The following THSD7A variants were observed in gnomAD, a reference collection of about 807,000 sequenced individuals.
The protein encoded by THSD7A is thrombospondin type 1 domain containing 7A.
In THSD7A, 96 loss-of-function variants were observed where a neutral mutation model predicts 231.3. The ratio of observed to expected loss-of-function variants is 0.41; its 90% CI spans 0.35 to 0.49. The LOEUF (loss-of-function observed/expected upper bound fraction) is 0.49. Ranked by LOEUF, THSD7A falls within the 20% of genes least tolerant of loss-of-function variation. THSD7A has a pLI of 0.05. For synonymous variants in THSD7A, 940 were observed against 743.3 expected (o/e 1.26, Z -4.30); for missense variants, 2,290 against 2,070.2 (o/e 1.11, Z -2.06).
chr7:11,714,300 T>A (rs1042169005), intron 1 of THSD7A, among the ~76,000 whole-genome samples: 1 of 151,290 alleles, frequency 6.6e-6, no homozygotes, highest in Non-Finnish European at 1.5e-5. Flanking sequence ...ACATTAACCC[T>A]ATGACATGTG....
chr7:11,813,747 TA>T (rs1308570243), intron 1 of THSD7A, among the ~76,000 whole-genome samples: 1 of 111,566 alleles, frequency 9.0e-6, no homozygotes, highest in African/African-American at 3.1e-5. Flanking sequence ...ATAATAATAA[TA>T]ATAATAATAA....
At chr7:11,597,615 T>C (rs1780410380) in intron 2 of THSD7A, among the ~76,000 whole-genome samples, 1 of 152,186 alleles carries the variant, frequency 6.6e-6, no homozygotes, top group Non-Finnish European at 1.5e-5. Context: ...CTTCTGCAGA[T>C]AACTACTCTC....
intron 4 of THSD7A, among the ~76,000 whole-genome samples, chr7:11,582,564 C>T (rs960759429): frequency 1.3e-5 from 2 of 151,882 alleles, no homozygotes; most frequent in Admixed American, 6.6e-5. Context: ...GTTTGATTTC[C>T]TTCTTCTTAA....
rs1312382018 is a variant in THSD7A, at chr7:11,474,723, T to A, written c.2018-155A>T. ...ACACGCAATATTTATGTGAGATGCT[T>A]CAAGGGATACCTACAGGGGTTAAAA... is the stretch of plus-strand genomic sequence containing the variant. On this transcript the variant is annotated intron_variant, in intron 7 of 27. Transcript: ENST00000423059. This position sits in a 1 kb window ranked among gnomAD's most constrained non-coding sequence, Gnocchi z 4.1. 6.6e-6 allele frequency among the ~76,000 whole-genome samples: 1 copy of A among 152,140 alleles called. No homozygotes were observed. Among genetic ancestry groups the A allele is most frequent in the East Asian group, 1.9e-4 (1 of 5,196 alleles).
chr7:11,478,917 G>A (rs1786310538), intron 7 of THSD7A, among the ~76,000 whole-genome samples: 1 of 152,082 alleles, frequency 6.6e-6, no homozygotes, highest in Non-Finnish European at 1.5e-5. Flanking sequence ...GTTAGGCATA[G>A]TTATACAACT....
intron 1 of THSD7A, among the ~76,000 whole-genome samples, chr7:11,688,997 ATTTG>A (rs1780150502): frequency 6.6e-6 from 1 of 151,844 alleles, no homozygotes; most frequent in Non-Finnish European, 1.5e-5. Context: ...TCTCTTCCCT[ATTTG>A]TTTTCTCAAA....
intron 1 of THSD7A, among the ~76,000 whole-genome samples, chr7:11,823,980 C>A (rs945778602): frequency 6.6e-6 from 1 of 151,690 alleles, no homozygotes; most frequent in Non-Finnish European, 1.5e-5. Flanking sequence ...TTCAAATGAT[C>A]ACCTATGAAG....
At chr7:11,747,079 AT>A (rs1235674613) in intron 1 of THSD7A, among the ~76,000 whole-genome samples, 1 of 151,908 alleles carries the variant, frequency 6.6e-6, no homozygotes, top group East Asian at 1.9e-4. Context: ...AAAGACATGT[AT>A]TTTCACCTTT....
chr7:11,687,693 G>C (rs937406753), intron 1 of THSD7A, among the ~76,000 whole-genome samples: 2 of 151,752 alleles, frequency 1.3e-5, no homozygotes, highest in Admixed American at 6.6e-5. Flanking sequence ...GACAAACAAA[G>C]AAAACTAGAA....
intron 1 of THSD7A, among the ~76,000 whole-genome samples, chr7:11,722,701 A>G (rs988541477): frequency 2.0e-5 from 3 of 152,070 alleles, no homozygotes; most frequent in African/African-American, 7.2e-5. Flanking sequence ...GAAGACATTT[A>G]TGCAGCCAAA....
chr7:11,414,898 C>T (rs1364061067), intron 17 of THSD7A, among the ~76,000 whole-genome samples: 1 of 152,194 alleles, frequency 6.6e-6, no homozygotes, highest in Non-Finnish European at 1.5e-5. Context: ...ATTCTCCCTA[C>T]CTAACACCGT....
intron 4 of THSD7A, among the ~76,000 whole-genome samples, chr7:11,559,048 A>G (rs1175835720): frequency 6.6e-6 from 1 of 152,188 alleles, no homozygotes; most frequent in East Asian, 1.9e-4. Flanking sequence ...TTGGGGAAAG[A>G]GGCCAGGAGC....
chr7:11,650,648 C>T (rs1024439786), intron 1 of THSD7A, among the ~76,000 whole-genome samples: 4 of 151,902 alleles, frequency 2.6e-5, no homozygotes, highest in Admixed American at 6.6e-5. Context: ...GTAGGTTGCT[C>T]GGCCTGTGGT....
At chr7:11,581,434 T>A (rs919596187) in intron 4 of THSD7A, among the ~76,000 whole-genome samples, 6 of 152,104 alleles carry the variant, frequency 3.9e-5, no homozygotes, top group African/African-American at 1.4e-4. Flanking sequence ...ACACCATGAA[T>A]TTTATAATCC....
intron 1 of THSD7A, among the ~76,000 whole-genome samples, chr7:11,701,596 C>A (rs951224586): frequency 6.6e-6 from 1 of 150,874 alleles, no homozygotes; most frequent in Non-Finnish European, 1.5e-5. Flanking sequence ...TAGCTTAGTG[C>A]TTTTCAAAAT....
chr7:11,471,345 A>G (rs1486611624), intron 8 of THSD7A, among the ~76,000 whole-genome samples: 1 of 151,996 alleles, frequency 6.6e-6, no homozygotes, highest in African/African-American at 2.4e-5. Context: ...AATATTTTGT[A>G]GCTCAAGTTT....
At chr7:11,731,078 T>C (rs1562512256) in intron 1 of THSD7A, among the ~76,000 whole-genome samples, 1 of 151,654 alleles carries the variant, frequency 6.6e-6, no homozygotes, top group Non-Finnish European at 1.5e-5. Flanking sequence ...AGTTTATATT[T>C]AATTTTGTCT....
In THSD7A at chr7:11,389,421, C is replaced by CTTTTTTTTTTTTTTTTTTTTT. The variant is rs57755425; in HGVS notation, c.4412-6826_4412-6806dup. Among the ~76,000 whole-genome samples the CTTTTTTTTTTTTTTTTTTTTT allele has an allele frequency of 5.3e-5, 2 of 37,588 alleles. 1 individual carries two copies. Among genetic ancestry groups the CTTTTTTTTTTTTTTTTTTTTT allele is most frequent in the Non-Finnish European group, 9.7e-5 (2 of 20,700 alleles). 24.7% of individuals were successfully genotyped at this position (37,588 alleles called of 152,430 possible). On this transcript the variant is annotated intron_variant, in intron 23 of 27. Transcript: ENST00000423059. ...TCAGAGACTAGAATTGCAACTCCTG[C>CTTTTTTTTTTTTTTTTTTTTT]TTTTTTTTTTTTTTTTTTTTTTTTT...
At chr7:11,714,073 A>G (rs1781052506) in intron 1 of THSD7A, among the ~76,000 whole-genome samples, 1 of 151,280 alleles carries the variant, frequency 6.6e-6, no homozygotes, top group African/African-American at 2.4e-5. Flanking sequence ...TTTTAAAACT[A>G]TTTGTTAATG....
Sources: gnomAD v4.1 joint callset for allele counts (sites outside exome capture counted in the v4.1 genomes callset) on GRCh38, gnomAD v4.1.1 for gene constraint, Gnocchi (gnomAD v3.1) non-coding constraint, MANE v1.5 for transcripts, NCBI Gene and HGNC (gene_info 2026-07-23, HGNC 2026-07-21) for gene names.